CFAP47: variants seen among roughly 807,000 people sequenced by gnomAD.
The protein encoded by CFAP47 is cilia- and flagella-associated protein 47.
Under a neutral mutation model 148.1 loss-of-function variants are expected in CFAP47, and 29 were observed. The observed-to-expected ratio is 0.20, with a 90% CI of 0.15 to 0.27. The LOEUF (loss-of-function observed/expected upper bound fraction) is 0.27. Ranked by LOEUF, CFAP47 falls within the 10% of genes least tolerant of loss-of-function variation. The pLI is 1.00. For missense variants in CFAP47, 1,872 were observed against 1,697.5 expected (o/e 1.10, Z -1.81); for synonymous variants, 664 against 577.3 (o/e 1.15, Z -2.15).
chrX:36,327,302 A>G (rs1941525052), intron 57 of CFAP47, among the ~76,000 whole-genome samples: 1 of 112,231 alleles, frequency 8.9e-6, no homozygotes, highest in African/African-American at 3.2e-5. Context: ...AAAAATGGAC[A>G]AAGGACACGA....
At chrX:36,177,877 C>T (rs1939704783) in intron 39 of CFAP47, among the ~76,000 whole-genome samples, 1 of 111,544 alleles carries the variant, frequency 9.0e-6, no homozygotes, top group Non-Finnish European at 1.9e-5. Flanking sequence ...AATACACATG[C>T]ACTCGTATGT....
intron 23 of CFAP47, among the ~76,000 whole-genome samples, chrX:36,035,108 C>T (rs1937322864): frequency 9.0e-6 from 1 of 110,910 alleles, no homozygotes; most frequent in South Asian, 3.8e-4. Context: ...AGTGAGAAAT[C>T]TGCCTCTCAT....
At chrX:36,050,668 G>T (rs147405560) in intron 26 of CFAP47, among the ~76,000 whole-genome samples, 1 of 112,379 alleles carries the variant, frequency 8.9e-6, no homozygotes, top group Admixed American at 9.4e-5. Flanking sequence ...CCCATTTTCT[G>T]TGGAGAAGTT....
chrX:35,943,550 A>T (rs1358325002), intron 3 of CFAP47, among the ~76,000 whole-genome samples: 4 of 111,352 alleles, frequency 3.6e-5, no homozygotes, highest in African/African-American at 1.3e-4. Context: ...CTTTATAGAA[A>T]TGGTTCCCAA....
At position 36,039,057 on chromosome X, in the gene CFAP47, T is replaced by A; in HGVS notation, c.3885T>A (p.His1295Gln). The A allele has an allele frequency of 8.9e-7, 1 of 1,126,619 alleles. No individual in the cohort carries two copies. The highest frequency in any genetic ancestry group is 1.2e-6 in the Non-Finnish European group (1 of 838,920). The allele number at this position is 1,126,619 out of a possible 1,213,427, so 92.8% of individuals were successfully genotyped here. Residue 1295 changes from histidine to glutamine, a missense_variant, in exon 25 of 64, where the codon CAT becomes CAA. Physicochemically the swap from His to Gln is conservative, Grantham distance 24 (BLOSUM62 0). Coordinates refer to ENST00000378653, the MANE Select transcript of CFAP47 (RefSeq NM_001304548.2). ...TTCCAGTTTGCTATAAAATATTACA[T>A]CTTACTGGGGAAGTAAAATCACCAG... Reference protein sequence around the residue: ...NYIPVCYKILHLTGEVKSPEL... With the variant: ...NYIPVCYKILQLTGEVKSPEL...
chrX:36,001,631 C>G lies in CFAP47; in HGVS notation c.3341C>G (p.Ala1114Gly), dbSNP rs746475419. The G allele has an allele frequency of 5.4e-5, 16 of 294,108 alleles. No homozygotes were observed. The highest frequency in any genetic ancestry group is 9.5e-5 in the Non-Finnish European group (16 of 168,758). 24.2% of individuals were successfully genotyped at this position (294,108 alleles called of 1,213,427 possible). A position where few individuals can be genotyped will look rare whatever the true frequency, so the allele number is the denominator to read the frequency against. The change falls in exon 21 of 64, where the codon GCA becomes GGA. Residue 1114 changes from alanine to glycine, a missense_variant. Transcript: ENST00000378653. ...CTTACAGAAGAATTTAAAGACCCTG[C>G]AGTTCCTTATATATATTCTTTGGAA... ...KDKSEEFKDP[A>G]VPYIYSLELE...
chrX:36,007,197 C>T (rs1286752576), intron 21 of CFAP47, among the ~76,000 whole-genome samples: 2 of 111,787 alleles, frequency 1.8e-5, no homozygotes, highest in African/African-American at 6.5e-5. Context: ...TTTATTTTTC[C>T]CACTAGCCTT....
intron 27 of CFAP47, among the ~76,000 whole-genome samples, chrX:36,070,569 C>T (rs1207554763): frequency 9.4e-6 from 1 of 105,958 alleles, no homozygotes; most frequent in Non-Finnish European, 1.9e-5. Context: ...ACAATCTCAG[C>T]TCACCTCCAC....
intron 25 of CFAP47, among the ~76,000 whole-genome samples, chrX:36,040,743 A>G (rs1047121045): frequency 8.9e-6 from 1 of 111,877 alleles, no homozygotes; most frequent in African/African-American, 3.2e-5. Flanking sequence ...TAATTAAAAT[A>G]CTAGATTCCA....
At chrX:36,189,270 G>A (rs1555986145) in intron 41 of CFAP47, among the ~76,000 whole-genome samples, 1 of 110,838 alleles carries the variant, frequency 9.0e-6, no homozygotes, top group African/African-American at 3.3e-5. Flanking sequence ...AATGGAGGCT[G>A]GGGCTTGAGT....
intron 63 of CFAP47, among the ~76,000 whole-genome samples, chrX:36,383,128 A>G (rs1256043714): frequency 7.2e-5 from 8 of 111,807 alleles, no homozygotes; most frequent in Non-Finnish European, 1.5e-4. Context: ...CACGAAGCAC[A>G]CACACACAAG....
intron 61 of CFAP47, among the ~76,000 whole-genome samples, chrX:36,365,261 C>T (rs1556020066): frequency 1.8e-5 from 2 of 110,617 alleles, no homozygotes; most frequent in Non-Finnish European, 3.8e-5. Context: ...CTAAATTATG[C>T]TGCATAGTAT....
intron 49 of CFAP47, among the ~76,000 whole-genome samples, chrX:36,261,320 C>CTTTTTTTTTTTTTTTTTTTTTTTT: frequency 4.9e-5 from 1 of 20,469 alleles, no homozygotes. Flanking sequence ...AGATACTATT[C>CTTTTTTTTTTTTTTTTTTTTTTTT]TTTTTTTTTT....
intron 2 of CFAP47, among the ~76,000 whole-genome samples, chrX:35,940,584 C>T (rs1383453273): frequency 9.0e-6 from 1 of 110,982 alleles, no homozygotes; most frequent in Non-Finnish European, 1.9e-5. Flanking sequence ...GAGAAACTAA[C>T]AGGAGATGCA....
At position 36,363,552 on chromosome X, in the gene CFAP47, A is replaced by G; in HGVS notation, c.9023+2051A>G. Among the ~76,000 whole-genome samples the G allele has an allele frequency of 1.8e-5, 2 of 112,096 alleles. 1 individual carries two copies. Among genetic ancestry groups the G allele is most frequent in the Middle Eastern group, 9.2e-3 (2 of 218 alleles). Reference sequence around the variant, plus strand: ...CAAGAGAAACAATTAAACAAGAAAAATCAAAATTACACCAATAGCATTGAG... The same window carrying G: ...CAAGAGAAACAATTAAACAAGAAAAGTCAAAATTACACCAATAGCATTGAG... On this transcript the variant is annotated intron_variant, in intron 61 of 63. Coordinates refer to ENST00000378653, the MANE Select transcript of CFAP47 (RefSeq NM_001304548.2).
At chrX:36,057,757 T>A (rs1223337463) in intron 26 of CFAP47, among the ~76,000 whole-genome samples, 1 of 111,458 alleles carries the variant, frequency 9.0e-6, no homozygotes, top group East Asian at 2.8e-4. Flanking sequence ...CTTATTACAA[T>A]TTAAACATTT....
At chrX:36,296,922 C>G (rs1461696197) in intron 51 of CFAP47, among the ~76,000 whole-genome samples, 1 of 111,932 alleles carries the variant, frequency 8.9e-6, no homozygotes, top group African/African-American at 3.2e-5. Context: ...AAATTAGTCA[C>G]TGTTCAGTAT....
intron 45 of CFAP47, among the ~76,000 whole-genome samples, chrX:36,213,268 C>T (rs948296641): frequency 2.2e-4 from 24 of 111,105 alleles, no homozygotes; most frequent in Non-Finnish European, 4.0e-4. Context: ...TGTTCTTTGG[C>T]TCTTTTAACA....
intron 57 of CFAP47, among the ~76,000 whole-genome samples, chrX:36,333,142 A>G (rs782019488): frequency 9.0e-6 from 1 of 111,190 alleles, no homozygotes; most frequent in Admixed American, 9.6e-5. Context: ...TATATCTGTC[A>G]CCATGTGAAT....
Sources: allele counts gnomAD v4.1 joint callset (sites outside exome capture counted in the v4.1 genomes callset), GRCh38; gene constraint gnomAD v4.1.1; transcripts MANE v1.5; gene names NCBI Gene and HGNC (gene_info 2026-07-23, HGNC 2026-07-21).